The following CSMD1 variants were observed in gnomAD, a reference collection of about 807,000 sequenced individuals.
CSMD1 encodes the protein CUB and Sushi multiple domains 1.
In CSMD1, 213 loss-of-function variants were observed where a neutral mutation model predicts 417.5. The observed-to-expected ratio is 0.51, with a 90% CI of 0.46 to 0.57. CSMD1 has a LOEUF of 0.57. Ranked by LOEUF, CSMD1 falls within the 20% of genes least tolerant of loss-of-function variation. The probability of loss-of-function intolerance (pLI) is 0.00; values close to 1 mark genes in which losing one functional copy is unlikely to be tolerated. For synonymous variants in CSMD1, 2,862 were observed against 1,736.8 expected (o/e 1.65, Z -16.11); for missense variants, 6,923 against 4,529.7 (o/e 1.53, Z -15.17).
At chr8:4,549,765 T>C (rs1010334507) in intron 2 of CSMD1, among the ~76,000 whole-genome samples, 7 of 151,124 alleles carry the variant, frequency 4.6e-5, no homozygotes, top group Admixed American at 3.3e-4. Flanking sequence ...GGTGTGGTGG[T>C]TGACACTTGT....
chr8:3,821,190 T>C (rs987157999), intron 5 of CSMD1, among the ~76,000 whole-genome samples: 28 of 152,124 alleles, frequency 1.8e-4, no homozygotes, highest in African/African-American at 6.8e-4. Flanking sequence ...ACTGTGGGGA[T>C]TACAGGTGTG....
At chr8:4,168,750 G>C (rs1451201479) in intron 3 of CSMD1, among the ~76,000 whole-genome samples, 1 of 152,064 alleles carries the variant, frequency 6.6e-6, no homozygotes, top group African/African-American at 2.4e-5. Flanking sequence ...GGCTATTCAA[G>C]TTAGGCTTTA....
chr8:4,366,344 G>A (rs1802069730), intron 3 of CSMD1, among the ~76,000 whole-genome samples: 2 of 151,928 alleles, frequency 1.3e-5, no homozygotes, highest in Admixed American at 6.6e-5. Flanking sequence ...TGAACATCGT[G>A]GCTGATTCCA....
At chr8:3,199,143 T>G (rs1413834261) in intron 33 of CSMD1, among the ~76,000 whole-genome samples, 1 of 152,194 alleles carries the variant, frequency 6.6e-6, no homozygotes, top group Non-Finnish European at 1.5e-5. Context: ...ATCTCAAATA[T>G]TTTTTAAAAG....
intron 49 of CSMD1, among the ~76,000 whole-genome samples, chr8:3,063,391 C>T (rs768630703): frequency 6.6e-6 from 1 of 152,188 alleles, no homozygotes; most frequent in Non-Finnish European, 1.5e-5. Context: ...CCCTTGTGTA[C>T]TGTCAATAGG....
At position 3,853,894 on chromosome 8, in the gene CSMD1, C is replaced by CA. The variant is rs1491322963; in HGVS notation, c.819-99853_819-99852insT. 1.3e-3 allele frequency among the ~76,000 whole-genome samples: 191 copies of CA among 145,266 alleles called. 7 individuals carry two copies. Among genetic ancestry groups the CA allele is most frequent in the African/African-American group, 4.1e-3 (164 of 39,760 alleles). On this transcript the variant is annotated intron_variant, in intron 5 of 69. Coordinates refer to ENST00000635120, the MANE Select transcript of CSMD1 (RefSeq NM_033225.6). ...TACTTTAATATATTAATATATTATA[C>CA]TTTAATATATTAATACATTAAAGTA...
intron 1 of CSMD1, among the ~76,000 whole-genome samples, chr8:4,680,965 T>TGC (rs1459010272): frequency 1.7e-5 from 2 of 119,384 alleles, no homozygotes; most frequent in East Asian, 2.6e-4. Flanking sequence ...TGTGTGTGTG[T>TGC]GTGTGTGTGT....
intron 1 of CSMD1, among the ~76,000 whole-genome samples, chr8:4,733,154 A>C (rs1327045656): frequency 6.6e-6 from 1 of 152,226 alleles, no homozygotes; most frequent in Non-Finnish European, 1.5e-5. Flanking sequence ...TCATTTATTC[A>C]GTCAATGTCT....
intron 5 of CSMD1, among the ~76,000 whole-genome samples, chr8:3,870,397 T>G (rs1805400890): frequency 6.6e-6 from 1 of 152,194 alleles, no homozygotes; most frequent in Non-Finnish European, 1.5e-5. Context: ...CCCCCAGCTA[T>G]GCACATAGCA....
At chr8:4,354,022 C>A (rs771372492) in intron 3 of CSMD1, among the ~76,000 whole-genome samples, 2 of 152,178 alleles carry the variant, frequency 1.3e-5, no homozygotes, top group Non-Finnish European at 2.9e-5. Context: ...ATTCTTCAGG[C>A]TTTTTCCTCT....
rs183594904 is a variant in CSMD1 at position 4,771,115 on chromosome 8, C to A, written c.86-133557G>T. Among the ~76,000 whole-genome samples the A allele has an allele frequency of 1.7e-3, 264 of 152,170 alleles. 1 individual carries two copies. The highest frequency in any genetic ancestry group is 6.0e-3 in the African/African-American group (251 of 41,508). On this transcript the variant is annotated intron_variant, in intron 1 of 69. Coordinates refer to ENST00000635120, the MANE Select transcript of CSMD1 (RefSeq NM_033225.6). ...TAACTCATAGCACTCAACATATAAC[C>A]TCATGTTAAAATTGGTGAAGATATG... is the stretch of plus-strand genomic sequence containing the variant.
chr8:3,472,083 C>T (rs1165947044), intron 11 of CSMD1, among the ~76,000 whole-genome samples: 6 of 152,074 alleles, frequency 3.9e-5, no homozygotes, highest in Non-Finnish European at 7.4e-5. Flanking sequence ...CCTCTCCCTT[C>T]GTGTAGCCCC....
chr8:3,649,813 T>C (rs1797757051), intron 7 of CSMD1, among the ~76,000 whole-genome samples: 1 of 152,232 alleles, frequency 6.6e-6, no homozygotes, highest in Non-Finnish European at 1.5e-5. Flanking sequence ...ACAATGTAAG[T>C]ATAAGTGGTC....
rs112078765 is a variant in CSMD1 at position 3,757,889 on chromosome 8, A to G, written c.819-3847T>C. 3.0e-3 allele frequency among the ~76,000 whole-genome samples: 457 copies of G among 152,112 alleles called. 3 individuals carry two copies. Among genetic ancestry groups the G allele is most frequent in the African/African-American group, 0.01 (432 of 41,508 alleles). Reference sequence around the variant, plus strand: ...CAAACAAAAAAAACCAACAACAAAAACACCGAGCTGGAAGATAAACAGATG... The same window carrying G: ...CAAACAAAAAAAACCAACAACAAAAGCACCGAGCTGGAAGATAAACAGATG... On this transcript the variant is annotated intron_variant, in intron 5 of 69. Transcript: ENST00000635120.
At chr8:4,842,012 A>G (rs1243477164) in intron 1 of CSMD1, among the ~76,000 whole-genome samples, 2 of 152,122 alleles carry the variant, frequency 1.3e-5, no homozygotes, top group African/African-American at 4.8e-5. Context: ...ACCCTAGAAA[A>G]AAGCAATTTT....
At chr8:4,175,780 A>G (rs1425349655) in intron 3 of CSMD1, among the ~76,000 whole-genome samples, 5 of 152,212 alleles carry the variant, frequency 3.3e-5, no homozygotes, top group African/African-American at 4.8e-5. Flanking sequence ...AAAGTCATGA[A>G]TACTATGATG....
intron 3 of CSMD1, among the ~76,000 whole-genome samples, chr8:4,086,352 C>G (rs10503231): frequency 0.11 from 16,030 of 152,204 alleles, 940 homozygotes; most frequent in Middle Eastern, 0.14. Context: ...TTCTTTAATA[C>G]TGAAACTTGA....
chr8:3,255,289 G>A (rs1425907607), intron 26 of CSMD1, among the ~76,000 whole-genome samples: 1 of 152,134 alleles, frequency 6.6e-6, no homozygotes, highest in Non-Finnish European at 1.5e-5. Flanking sequence ...ACTGGGGGAT[G>A]CATCCCAGTT....
At chr8:3,555,005 TGA>T (rs2116810778) in intron 10 of CSMD1, among the ~76,000 whole-genome samples, 1 of 151,814 alleles carries the variant, frequency 6.6e-6, no homozygotes, top group Non-Finnish European at 1.5e-5. Flanking sequence ...CCACATAAGC[TGA>T]GGAGGAAGGG....
Sources: gnomAD v4.1 joint callset for allele counts (sites outside exome capture counted in the v4.1 genomes callset) on GRCh38, gnomAD v4.1.1 for gene constraint, MANE v1.5 for transcripts, NCBI Gene and HGNC (gene_info 2026-07-23, HGNC 2026-07-21) for gene names.